The following ABCB6 variants were observed in gnomAD, a reference collection of about 807,000 sequenced individuals.
The protein encoded by ABCB6 is ATP binding cassette subfamily B member 6 (LAN blood group).
A neutral mutation model predicts 99.4 loss-of-function variants in ABCB6; 87 were observed. That is an observed-to-expected ratio of 0.88 (90% CI 0.74 to 1.05). The LOEUF is 1.05. Among genes scored for constraint, ABCB6 ranks in the 50% least tolerant of loss-of-function variants. ABCB6 has a pLI of 0.00. For missense variants in ABCB6, 1,050 were observed against 1,097.9 expected, an observed-to-expected ratio of 0.96 and a Z score of 0.62; for synonymous variants, 482 against 447.5, an observed-to-expected ratio of 1.08 and a Z score of -0.97.
rs375619080 is a variant in ABCB6 at position 219,216,035 on chromosome 2, G to C, written c.1116C>G (p.Ile372Met). 6.2e-7 allele frequency: 1 copy of C among 1,603,254 alleles called. No homozygotes were observed. The highest frequency in any genetic ancestry group is 8.5e-7 in the Non-Finnish European group (1 of 1,173,728). Residue 372 changes from isoleucine (I) to methionine (M), a missense_variant, in exon 5 of 19, where the codon ATC becomes ATG. Physicochemically the swap from Ile to Met is conservative, Grantham distance 10. Transcript: ENST00000265316. The surrounding 1 kb of genome is among the most constrained non-coding windows in gnomAD (Gnocchi z 4.2). ...TGACACTGGATGTGCCCCGATCCGC[G>C]ATCCGCAGCACCTCCCCTGTGCGGC... ...LGRRTGEVLR[I>M]ADRGTSSVTG...
At position 219,218,368 on chromosome 2, in the gene ABCB6, T is replaced by TG. The variant is rs745836993; in HGVS notation, c.305dup (p.Leu103ThrfsTer59). On this transcript the variant is annotated frameshift_variant, in exon 1 of 19. Coordinates refer to ENST00000265316, the MANE Select transcript of ABCB6 (RefSeq NM_005689.4). LOFTEE classifies it high-confidence loss of function. The stretch of plus-strand genomic sequence containing the variant: ...AGGCCAGAAGTAGATAGCTTGGCAG[T>TG]GGGGCCCCCCGGGCAGTGCCCACCC... The TG allele has an allele frequency of 6.2e-7, 1 of 1,612,656 alleles. No homozygotes were observed. The highest frequency in any genetic ancestry group is 1.3e-5 in the African/African-American group (1 of 74,920).
intron 15 of ABCB6, 52 bp from the exon 16 acceptor site, chr2:219,210,875 C>T (rs1950569380): frequency 6.2e-7 from 1 of 1,613,094 alleles, no homozygotes; most frequent in African/African-American, 1.3e-5. Context: ...GAACAGGGGT[C>T]AGGGATTAGC....
Position 219,212,449 on chromosome 2 carries a change from G to C in ABCB6, c.1906C>G (p.Leu636Val). The change falls in exon 14 of 19, where the codon CTG becomes GTG. Residue 636 changes from leucine (L) to valine (V), a missense_variant. Transcript: ENST00000265316. The part of the protein sequence containing the change: ...GAGKSTILRL[L>V]FRFYDISSGC... ...GAGCTGATGTCGTAGAAGCGAAACA[G>C]CAGGCGCAAAATTGTGCTCTTCCCT... is the stretch of plus-strand genomic sequence containing the variant. 2 of 1,614,170 alleles carry C rather than the reference G, an allele frequency of 1.2e-6. No individual in the cohort carries two copies. The highest frequency in any genetic ancestry group is 2.2e-5 in the South Asian group (2 of 91,088).
rs138423826 is a variant in ABCB6 at position 219,216,157 on chromosome 2, A to G, written c.994T>C (p.Phe332Leu). The G allele has an allele frequency of 6.7e-5, 107 of 1,595,492 alleles. No homozygotes were observed. In the African/African-American group the frequency reaches 1.2e-3, roughly 18 times the overall value. Reference protein sequence around the residue: ...STGFVSNLRTFLWIRVQQFTS... With the variant: ...STGFVSNLRTLLWIRVQQFTS... ...AACTGCTGCACCCGGATCCACAGGA[A>G]GGTGCGCAGGTTGCTCACGAAGCCT... Residue 332 changes from phenylalanine to leucine, a missense_variant, in exon 5 of 19, where the codon TTC becomes CTC. Transcript: ENST00000265316. The surrounding 1 kb of genome is among the most constrained non-coding windows in gnomAD (Gnocchi z 4.2).
rs1950639343 is a variant in ABCB6, at chr2:219,216,172, T to C, written c.979A>G (p.Ser327Gly). Reference protein sequence around the residue: ...GGGTGSTGFVSNLRTFLWIRV... With the variant: ...GGGTGSTGFVGNLRTFLWIRV... ...ATCCACAGGAAGGTGCGCAGGTTGC[T>C]CACGAAGCCTGCAGGGAGCCGGGGG... Residue 327 changes from serine (S) to glycine (G), a missense_variant, in exon 5 of 19, where the codon AGC becomes GGC. Coordinates refer to ENST00000265316, the MANE Select transcript of ABCB6 (RefSeq NM_005689.4). The surrounding 1 kb of genome is among the most constrained non-coding windows in gnomAD (Gnocchi z 4.2). 6.3e-7 allele frequency: 1 copy of C among 1,590,808 alleles called. No homozygotes were observed. Among genetic ancestry groups the C allele is most frequent in the South Asian group, 1.1e-5 (1 of 88,688 alleles).
intron 7 of ABCB6, 85 bp from the exon 8 acceptor site, chr2:219,214,271 T>G: frequency 6.6e-7 from 1 of 1,518,212 alleles, no homozygotes; most frequent in Non-Finnish European, 9.2e-7. Flanking sequence ...TCCTCCTTCC[T>G]GAGTTCAAAC....
Position 219,216,048 on chromosome 2 carries a change from TC to T in ABCB6, c.1102del (p.Glu368ArgfsTer54). The T allele has an allele frequency of 6.2e-7, 1 of 1,607,134 alleles. No homozygotes were observed. Among genetic ancestry groups the T allele is most frequent in the Non-Finnish European group, 8.5e-7 (1 of 1,176,722 alleles). On this transcript the variant is annotated frameshift_variant, in exon 5 of 19. Transcript: ENST00000265316. LOFTEE classifies it high-confidence loss of function. This position sits in a 1 kb window ranked among gnomAD's most constrained non-coding sequence, Gnocchi z 4.2. ...LRWHLGRRTGEVLRIADRGTS... is the reference protein window; with the variant it reads ...LRWHLGRRTGXVLRIADRGTS... ...GCCCCGATCCGCGATCCGCAGCACC[TC>T]CCCTGTGCGGCGCCCCAGGTGCCAG...
At chr2:219,217,164 G>A (rs1177845231) in intron 2 of ABCB6, among the ~76,000 whole-genome samples, 1 of 151,976 alleles carries the variant, frequency 6.6e-6, no homozygotes, top group Non-Finnish European at 1.5e-5. Flanking sequence ...TTCAAGACTA[G>A]CCTGGCCAAC....
At position 219,214,962 on chromosome 2, in the gene ABCB6, G is replaced by A. The variant is rs1263622910; in HGVS notation, c.1275C>T (p.Leu425=). The A allele has an allele frequency of 2.5e-6, 4 of 1,614,094 alleles. No homozygotes were observed. Among genetic ancestry groups the A allele is most frequent in the Admixed American group, 3.3e-5 (2 of 60,014 alleles). The change falls in exon 6 of 19, where the codon CTC becomes CTT. Residue 425 remains leucine, a splice_region_variant and synonymous_variant. Coordinates refer to ENST00000265316, the MANE Select transcript of ABCB6 (RefSeq NM_005689.4). ...LIVFLCMSLY[L]TLTIVVTEWR... is the part of the protein sequence containing the mutation. ...ACGGTGTCTCCCAGCAGCACTCACT[G>A]AGGTAAAGACTCATGCACAGGAACA...
intron 6 of ABCB6, 165 bp from the exon 7 acceptor site, chr2:219,214,663 T>A: frequency 1.6e-6 from 1 of 644,824 alleles, no homozygotes; most frequent in Non-Finnish European, 2.7e-6. Flanking sequence ...GTCTCATGTG[T>A]AGAAAACGCT....
Position 219,216,470 on chromosome 2 carries a change from G to A in ABCB6, c.869-5C>T, listed in dbSNP as rs1415563097. 1 of 1,613,504 alleles carries A rather than the reference G, an allele frequency of 6.2e-7. No homozygotes were observed. Among genetic ancestry groups the A allele is most frequent in the Non-Finnish European group, 8.5e-7 (1 of 1,179,700 alleles). ...CCTTCTCAGTCAGCAAGTTCACTGT[G>A]GAGGAAACGAGTCAGAACCCACTTA... is the stretch of plus-strand genomic sequence containing the variant. On this transcript the variant is annotated splice_polypyrimidine_tract_variant and splice_region_variant and intron_variant, in intron 3 of 18. Coordinates refer to ENST00000265316, the MANE Select transcript of ABCB6 (RefSeq NM_005689.4). This position sits in a 1 kb window ranked among gnomAD's most constrained non-coding sequence, Gnocchi z 4.2.
chr2:219,215,105 TAAGA>T (rs758989156), intron 5 of ABCB6, 23 bp from the exon 6 acceptor site: 1 of 1,613,802 alleles, frequency 6.2e-7, no homozygotes, highest in South Asian at 1.1e-5. Flanking sequence ...GTCAAGTGAA[TAAGA>T]AAGGTCTGGG....
At chr2:219,215,826 C>T (rs968359865) in intron 5 of ABCB6, 171 bp downstream of exon 5, 10 of 620,482 alleles carry the variant, frequency 1.6e-5, no homozygotes, top group East Asian at 6.4e-5. Context: ...GCCCTCTGCC[C>T]GCATTACCTA....
rs941444226 is a variant in ABCB6, at chr2:219,216,724, G to A, written c.796C>T (p.Leu266Phe). ...AAACCCATGAGCCCCAGGCAGATGA[G>A]CACCACCAGCTGCAGAGCTGGACTC... The part of the protein sequence containing the change: ...RGSPALQLVV[L>F]ICLGLMGLER... The change falls in exon 3 of 19, where the codon CTC becomes TTC. Residue 266 changes from leucine to phenylalanine, a missense_variant. By Grantham distance (22) the Leu-to-Phe change is conservative. Transcript: ENST00000265316. The surrounding 1 kb of genome is among the most constrained non-coding windows in gnomAD (Gnocchi z 4.2). 2.5e-6 allele frequency: 4 copies of A among 1,604,894 alleles called. No individual in the cohort carries two copies. Among genetic ancestry groups the A allele is most frequent in the Non-Finnish European group, 2.6e-6 (3 of 1,175,900 alleles).
intron 1 of ABCB6, 123 bp downstream of exon 1, chr2:219,218,002 A>G: frequency 7.2e-7 from 1 of 1,386,370 alleles, no homozygotes. Context: ...GGCAGGACTC[A>G]GCCCCTCCCT....
In ABCB6 at chr2:219,210,229, C is replaced by T. The variant is rs1335446685; in HGVS notation, c.2420+1G>A. ...GTCCTTTTGATCTATGTGTCTCTTA[C>T]CGTCCCCTCTCCACGATGCAGCCAT... On this transcript the variant is annotated splice_donor_variant, in intron 18 of 18. Transcript: ENST00000265316. LOFTEE classifies it high-confidence loss of function. 3.1e-6 allele frequency: 5 copies of T among 1,614,062 alleles called. No individual in the cohort carries two copies. The highest frequency in any genetic ancestry group is 1.3e-5 in the African/African-American group (1 of 74,926).
In ABCB6 at chr2:219,218,758, C is replaced by A; in HGVS notation, c.-85G>T. The A allele has an allele frequency of 7.1e-7, 1 of 1,411,120 alleles. No individual in the cohort carries two copies. The allele number at this position is 1,411,120 out of a possible 1,614,324, so 87.4% of individuals were successfully genotyped here. A position where few individuals can be genotyped will look rare whatever the true frequency, so the allele number is the denominator to read the frequency against. ...TCACTCGGAGAGGGGCGCGGACATC[C>A]GGGTGCCTTGGCTCACGTAGCCGCT... On this transcript the variant is annotated 5_prime_UTR_variant, in exon 1 of 19. Transcript: ENST00000265316.
chr2:219,216,677 C>A lies in ABCB6; in HGVS notation c.843G>T (p.Leu281Phe). The change falls in exon 3 of 19, where the codon TTG (leucine) becomes TTT (phenylalanine). Residue 281 changes from leucine to phenylalanine, a missense_variant. Transcript: ENST00000265316. This position sits in a 1 kb window ranked among gnomAD's most constrained non-coding sequence, Gnocchi z 4.2. ...CAATGTTCCTATAGAATATAGGCAC[C>A]AACACATTGAGTGCCCGTTCCAAAC... ...LMGLERALNV[L>F]VPIFYRNIVN... The A allele has an allele frequency of 6.4e-7, 1 of 1,569,198 alleles. No homozygotes were observed.
chr2:219,213,756 G>A, intron 9 of ABCB6, 70 bp downstream of exon 9: 9 of 1,613,646 alleles, frequency 5.6e-6, no homozygotes, highest in Admixed American at 1.7e-5. Context: ...CGAAGAGCCT[G>A]GTGACCAGAC....
Sources: gnomAD v4.1 joint callset for allele counts (sites outside exome capture counted in the v4.1 genomes callset) on GRCh38, gnomAD v4.1.1 for gene constraint, Gnocchi (gnomAD v3.1) non-coding constraint, MANE v1.5 for transcripts, NCBI Gene and HGNC (gene_info 2026-07-23, HGNC 2026-07-21) for gene names.